The following FGF14 variants were observed in gnomAD, a reference collection of about 807,000 sequenced individuals.
FGF14 encodes fibroblast growth factor homologous factor 4.
FGF14 carries 5 observed loss-of-function variants against 25.5 expected under a neutral mutation model. The observed-to-expected ratio is 0.20, with a 90% confidence interval of 0.10 to 0.41. The LOEUF (loss-of-function observed/expected upper bound fraction) is 0.41, where lower values mean the gene tolerates loss of function less well. FGF14 is among the 10% of genes least tolerant of loss of function. The pLI, the probability that FGF14 is intolerant of heterozygous loss-of-function variation, is 1.00. For synonymous variants in FGF14, 138 were observed against 118.3 expected (o/e 1.17, Z -1.08); for missense variants, 222 against 320.1 (o/e 0.69, Z 2.34).
chr13:101,714,438 G>C lies in FGF14; in HGVS notation c.*8393C>G. 1.3e-6 allele frequency: 2 copies of C among 1,572,392 alleles called. No individual in the cohort carries two copies. Among genetic ancestry groups the C allele is most frequent in the East Asian group, 4.5e-5 (2 of 44,514 alleles). ...TGAGTAATAGCCTTTGTAATTTCAG[G>C]TTCTTGTCATTGTGGGAAGTGCATT... On this transcript the variant is annotated 3_prime_UTR_variant, in exon 5 of 5. Transcript: ENST00000376143.
intron 1 of FGF14, among the ~76,000 whole-genome samples, chr13:102,239,941 T>C (rs961886147): frequency 6.6e-6 from 1 of 152,158 alleles, no homozygotes; most frequent in African/African-American, 2.4e-5. Flanking sequence ...AAATCTAGAA[T>C]GTAATTTTAC....
chr13:101,948,852 T>C (rs969927318), intron 1 of FGF14, among the ~76,000 whole-genome samples: 7 of 152,248 alleles, frequency 4.6e-5, no homozygotes, highest in Admixed American at 3.9e-4. Context: ...CCTTGAATTT[T>C]TTAAATACAA....
At chr13:102,392,644 C>T (rs999712601) in intron 1 of FGF14, among the ~76,000 whole-genome samples, 1 of 152,200 alleles carries the variant, frequency 6.6e-6, no homozygotes, top group African/African-American at 2.4e-5. Flanking sequence ...GTTCTGTTGG[C>T]AAATGGCCAG....
chr13:102,248,970 T>C (rs1335070381), intron 1 of FGF14, among the ~76,000 whole-genome samples: 1 of 152,052 alleles, frequency 6.6e-6, no homozygotes, highest in African/African-American at 2.4e-5. Flanking sequence ...AACAGTGCCA[T>C]TGATAGACTA....
At chr13:102,099,938 A>C (rs1168526103) in intron 1 of FGF14, among the ~76,000 whole-genome samples, 5 of 152,170 alleles carry the variant, frequency 3.3e-5, no homozygotes, top group Admixed American at 1.3e-4. Context: ...GGATTTATTT[A>C]GGTGTGGAGG....
chr13:102,239,979 T>C (rs2051513788), intron 1 of FGF14, among the ~76,000 whole-genome samples: 1 of 152,222 alleles, frequency 6.6e-6, no homozygotes, highest in African/African-American at 2.4e-5. Context: ...TATATTAGCA[T>C]TTTGTTCTGA....
intron 1 of FGF14, among the ~76,000 whole-genome samples, chr13:102,018,554 T>C (rs954623134): frequency 1.3e-5 from 2 of 152,118 alleles, no homozygotes; most frequent in Non-Finnish European, 1.5e-5. Flanking sequence ...TACAGAACAC[T>C]GAAGTCTGTT....
chr13:101,798,951 C>T (rs1434910374), intron 3 of FGF14, among the ~76,000 whole-genome samples: 1 of 152,086 alleles, frequency 6.6e-6, no homozygotes, highest in Non-Finnish European at 1.5e-5. Flanking sequence ...TAAAACTATA[C>T]AGTATTCTGC....
At chr13:102,318,716 A>G (rs1215909884) in intron 1 of FGF14, among the ~76,000 whole-genome samples, 1 of 152,158 alleles carries the variant, frequency 6.6e-6, no homozygotes, top group Non-Finnish European at 1.5e-5. Context: ...GACTAATTAC[A>G]TCTGCAACAA....
intron 1 of FGF14, among the ~76,000 whole-genome samples, chr13:102,383,408 A>G (rs1478776450): frequency 6.6e-6 from 1 of 152,224 alleles, no homozygotes; most frequent in Non-Finnish European, 1.5e-5. Context: ...GTTGGACAAT[A>G]AACCAATTTC....
intron 1 of FGF14, among the ~76,000 whole-genome samples, chr13:102,150,514 A>G (rs2047038340): frequency 6.6e-6 from 1 of 152,074 alleles, no homozygotes; most frequent in South Asian, 2.1e-4. Context: ...CTCTCACTCC[A>G]TGCTTTGTGG....
In FGF14 at chr13:101,713,061, A is replaced by G. The variant is rs998456601; in HGVS notation, c.*9770T>C. ...CCATAGCTACGCAAGAAGTTAAAAA[A>G]CACAATTGTCACAATCTAAATAATT... On this transcript the variant is annotated 3_prime_UTR_variant, in exon 5 of 5. Coordinates refer to ENST00000376143, the MANE Select transcript of FGF14 (RefSeq NM_004115.4). 6 of 152,246 alleles carry G rather than the reference A, an allele frequency of 3.9e-5. No homozygotes were observed. Among genetic ancestry groups the G allele is most frequent in the Non-Finnish European group, 8.8e-5 (6 of 68,046 alleles). The allele number at this position is 152,246 out of a possible 1,614,324, so 9.4% of individuals were successfully genotyped here.
chr13:101,747,589 A>G (rs1011778687), intron 3 of FGF14, among the ~76,000 whole-genome samples: 2 of 152,058 alleles, frequency 1.3e-5, no homozygotes, highest in Admixed American at 6.6e-5. Context: ...ACCAACAAAC[A>G]TGAAAACATG....
chr13:101,821,433 C>T (rs977378540), intron 3 of FGF14, among the ~76,000 whole-genome samples: 1 of 152,082 alleles, frequency 6.6e-6, no homozygotes, highest in Non-Finnish European at 1.5e-5. Context: ...TTTATTTATC[C>T]ATTCTACTAC....
At chr13:101,855,692 T>C (rs966491476) in intron 3 of FGF14, among the ~76,000 whole-genome samples, 1 of 151,940 alleles carries the variant, frequency 6.6e-6, no homozygotes, top group Non-Finnish European at 1.5e-5. Context: ...GTCTGAGGGA[T>C]TTTTAATTGG....
chr13:102,053,742 T>A (rs1374498952), intron 1 of FGF14, among the ~76,000 whole-genome samples: 1 of 152,128 alleles, frequency 6.6e-6, no homozygotes, highest in African/African-American at 2.4e-5. Flanking sequence ...GAGAAGTTAA[T>A]AAACACATAT....
intron 1 of FGF14, among the ~76,000 whole-genome samples, chr13:101,960,115 T>C (rs1000994171): frequency 6.6e-6 from 1 of 152,240 alleles, no homozygotes; most frequent in Admixed American, 6.5e-5. Flanking sequence ...ATATTTTTAT[T>C]ATTTTCAATT....
intron 1 of FGF14, among the ~76,000 whole-genome samples, chr13:102,182,885 C>T (rs908509750): frequency 4.6e-5 from 7 of 152,142 alleles, no homozygotes; most frequent in African/African-American, 1.7e-4. Context: ...TGACTGTACT[C>T]CTGCATCTAA....
chr13:101,733,665 T>C (rs1334983625), intron 3 of FGF14, among the ~76,000 whole-genome samples: 1 of 150,730 alleles, frequency 6.6e-6, no homozygotes, highest in Non-Finnish European at 1.5e-5. Flanking sequence ...CCCAGGAAAT[T>C]TAAGTATATT....
Sources: gnomAD v4.1 joint callset for allele counts (sites outside exome capture counted in the v4.1 genomes callset) on GRCh38, gnomAD v4.1.1 for gene constraint, MANE v1.5 for transcripts, NCBI Gene and HGNC (gene_info 2026-07-23, HGNC 2026-07-21) for gene names.